Variants in CREBBP observed in about 807,000 individuals in gnomAD.
CREBBP encodes the protein CREB-binding protein.
A neutral mutation model predicts 265.0 loss-of-function variants in CREBBP; 19 were observed. The ratio of observed to expected loss-of-function variants is 0.07; its 90% confidence interval spans 0.05 to 0.11. The LOEUF is 0.11. Among genes scored for constraint, CREBBP ranks in the 10% least tolerant of loss-of-function variants. The pLI, the probability that CREBBP is intolerant of heterozygous loss-of-function variation, is 1.00. For synonymous variants in CREBBP, 1,457 were observed against 1,223.7 expected, an observed-to-expected ratio of 1.19 and a Z score of -3.98; for missense variants, 2,525 against 3,219.0, an observed-to-expected ratio of 0.78 and a Z score of 5.22.
rs2051724471 is a variant in CREBBP at position 3,725,713 on chromosome 16, C to A, written c.*2005G>T. 4.3e-6 allele frequency: 1 copy of A among 233,178 alleles called. No individual in the cohort carries two copies. The highest frequency in any genetic ancestry group is 2.2e-5 in the African/African-American group (1 of 45,344). 14.4% of individuals were successfully genotyped at this position (233,178 alleles called of 1,614,324 possible). A position where few individuals can be genotyped will look rare whatever the true frequency, so the allele number is the denominator to read the frequency against. On this transcript the variant is annotated 3_prime_UTR_variant, in exon 31 of 31. Coordinates refer to ENST00000262367, the MANE Select transcript of CREBBP (RefSeq NM_004380.3). ...GTGCTAAAACTAGATCGGACCTTTC[C>A]AACTTCTTAGAAAGGTTCCTCGAAT...
At chr16:3,800,827 A>C (rs984294761) in intron 3 of CREBBP, among the ~76,000 whole-genome samples, 25 of 152,256 alleles carry the variant, frequency 1.6e-4, no homozygotes, top group African/African-American at 5.8e-4. Flanking sequence ...AATAGGTGTG[A>C]GAGGCTAGAT....
At chr16:3,758,195 A>T (rs769278299) in intron 17 of CREBBP, 147 bp from the exon 18 acceptor site, 2 of 857,044 alleles carry the variant, frequency 2.3e-6, no homozygotes, top group Non-Finnish European at 3.6e-6. Context: ...AAATGAAAAG[A>T]AAATAACCTC....
rs1449896134 is a variant in CREBBP, at chr16:3,727,816, G to C, written c.7231C>G (p.Gln2411Glu). ...GCACTCCTGCTGGGGGTGTTCAGCT[G>C]GGGGAGCATTGCACTCTGTTCGGGG... is the stretch of plus-strand genomic sequence containing the variant. ...GNPEQSAMLP[Q>E]LNTPSRSALS... The change falls in exon 31 of 31, where the codon CAG (glutamine) becomes GAG (glutamate). Residue 2411 changes from glutamine to glutamate, a missense_variant. Gln to Glu is a conservative substitution (Grantham distance 29, BLOSUM62 2). Coordinates refer to ENST00000262367, the MANE Select transcript of CREBBP (RefSeq NM_004380.3). The C allele has an allele frequency of 6.2e-7, 1 of 1,614,158 alleles. No homozygotes were observed. Among genetic ancestry groups the C allele is most frequent in the Non-Finnish European group, 8.5e-7 (1 of 1,180,048 alleles).
At chr16:3,763,006 C>T (rs995641701) in intron 16 of CREBBP, among the ~76,000 whole-genome samples, 1 of 151,808 alleles carries the variant, frequency 6.6e-6, no homozygotes, top group South Asian at 2.1e-4. Flanking sequence ...GATCTCCCGA[C>T]CTCGTGATCC....
chr16:3,783,248 C>T (rs756009000), intron 5 of CREBBP, among the ~76,000 whole-genome samples: 6 of 152,094 alleles, frequency 3.9e-5, no homozygotes, highest in Non-Finnish European at 8.8e-5. Context: ...AAGTCAGTTC[C>T]AGGGAGTGGC....
Position 3,777,594 on chromosome 16 carries a change from A to G in CREBBP, c.2158+19T>C, listed in dbSNP as rs761335464. On this transcript the variant is annotated intron_variant, in intron 11 of 30. Transcript: ENST00000262367. ...TGAATGTAAAACTAAAATATGATTC[A>G]CCACAAACAGTTCAATACCTTGAGA... 3.1e-6 allele frequency: 5 copies of G among 1,613,746 alleles called. No homozygotes were observed. The Admixed American group carries it at 5.0e-5, about 16-fold the overall frequency.
At chr16:3,858,813 T>C (rs1439642666) in intron 1 of CREBBP, among the ~76,000 whole-genome samples, 1 of 152,220 alleles carries the variant, frequency 6.6e-6, no homozygotes, top group Non-Finnish European at 1.5e-5. Context: ...CCCAAGTATA[T>C]TTCACTCTTT....
intron 16 of CREBBP, among the ~76,000 whole-genome samples, chr16:3,763,026 G>A (rs1269696419): frequency 1.3e-5 from 2 of 150,558 alleles, no homozygotes; most frequent in African/African-American, 2.4e-5. Flanking sequence ...CGCCCGCCTC[G>A]GCCTCCCAAA....
At chr16:3,849,483 GT>G (rs1567360934) in intron 2 of CREBBP, among the ~76,000 whole-genome samples, 1 of 122,272 alleles carries the variant, frequency 8.2e-6, no homozygotes, top group Non-Finnish European at 1.7e-5. Flanking sequence ...GTGTGTGTGT[GT>G]GTGTGATGTG....
intron 3 of CREBBP, 28 bp downstream of exon 3, chr16:3,810,575 A>C (rs567168249): frequency 1.2e-6 from 2 of 1,612,768 alleles, no homozygotes; most frequent in Non-Finnish European, 1.7e-6. Context: ...CCGGAGAGCC[A>C]TAACACTGAG....
chr16:3,840,375 CCATGT>C (rs1335462074), intron 2 of CREBBP, among the ~76,000 whole-genome samples: 1 of 152,142 alleles, frequency 6.6e-6, no homozygotes, highest in Non-Finnish European at 1.5e-5. Context: ...CATAGCAACA[CCATGT>C]CTGCATTAAA....
chr16:3,755,397 C>T (rs760215360), intron 19 of CREBBP, among the ~76,000 whole-genome samples: 3 of 152,154 alleles, frequency 2.0e-5, no homozygotes, highest in African/African-American at 7.2e-5. Flanking sequence ...TGTTGGGCAA[C>T]GTAGCAGGGG....
chr16:3,850,992 C>A lies in CREBBP; in HGVS notation c.103G>T (p.Asp35Tyr). 1 of 1,613,986 alleles carries A rather than the reference C, an allele frequency of 6.2e-7. No individual in the cohort carries two copies. Among genetic ancestry groups the A allele is most frequent in the South Asian group, 1.1e-5 (1 of 91,040 alleles). ...TCATCAGGAAGATCATTTTCCAAGT[C>A]AAACAATGATCCAAAATCTAGAAAT... ...NDSTDFGSLF[D>Y]LENDLPDELI... Residue 35 changes from aspartate to tyrosine, a missense_variant, in exon 2 of 31, where the codon GAC (aspartate) becomes TAC (tyrosine). This residue lies in a region of CREBBP where 356 missense variants were observed against 340.4 expected (regional missense o/e 1.05). Transcript: ENST00000262367.
intron 13 of CREBBP, 92 bp downstream of exon 13, chr16:3,773,659 A>T: frequency 7.4e-7 from 1 of 1,354,932 alleles, no homozygotes; most frequent in African/African-American, 1.5e-5. Context: ...CTGGAATTTT[A>T]ATTTCCACGA....
rs542507632 is a variant in CREBBP, at chr16:3,797,390, C to T, written c.976-3764G>A. Among the ~76,000 whole-genome samples the T allele has an allele frequency of 7.9e-5, 12 of 152,272 alleles. No individual in the cohort carries two copies. In the South Asian group the frequency reaches 1.9e-3, roughly 24 times the overall value. On this transcript the variant is annotated intron_variant, in intron 3 of 30. Transcript: ENST00000262367. ...TCAAATTAGCATATAGAAGTCCCCC[C>T]TTATCCTCAGAGTTCAGGTTCCAAC...
chr16:3,839,769 A>G (rs2054529973), intron 2 of CREBBP, among the ~76,000 whole-genome samples: 1 of 148,674 alleles, frequency 6.7e-6, no homozygotes, highest in African/African-American at 2.5e-5. Flanking sequence ...GAGGAAAGGG[A>G]AGGAAGGGAA....
intron 30 of CREBBP, among the ~76,000 whole-genome samples, 188 bp from the exon 31 acceptor site, chr16:3,730,062 G>A (rs1473664142): frequency 2.0e-5 from 3 of 151,280 alleles, no homozygotes. Flanking sequence ...GGACAAGATG[G>A]GATCATGGAC....
chr16:3,846,601 A>C (rs1184014244), intron 2 of CREBBP, among the ~76,000 whole-genome samples: 1 of 152,266 alleles, frequency 6.6e-6, no homozygotes, highest in South Asian at 2.1e-4. Flanking sequence ...GATATACCCA[A>C]ATCAGGAATT....
At chr16:3,757,207 A>G (rs2052607157) in intron 19 of CREBBP, 81 bp downstream of exon 19, 4 of 1,231,942 alleles carry the variant, frequency 3.2e-6, no homozygotes, top group Non-Finnish European at 4.7e-6. Flanking sequence ...GAACTTCAGG[A>G]AAGAAATAAT....
Sources: allele counts gnomAD v4.1 joint callset (sites outside exome capture counted in the v4.1 genomes callset), GRCh38; gene constraint gnomAD v4.1.1; regional missense constraint gnomAD v4.1.1; transcripts MANE v1.5; gene names NCBI Gene and HGNC (gene_info 2026-07-23, HGNC 2026-07-21).